The following MAF variants were observed in gnomAD, a reference collection of about 807,000 sequenced individuals.
The protein encoded by MAF is MAF bZIP transcription factor, also known as transcription factor Maf.
In MAF, 10 loss-of-function variants were observed where a neutral mutation model predicts 22.0. That is an observed-to-expected ratio of 0.45 (90% CI 0.28 to 0.77). MAF has a LOEUF of 0.77. MAF is among the 30% of genes least tolerant of loss of function. MAF has a pLI of 0.12. For missense variants in MAF, 544 were observed against 548.4 expected (o/e 0.99, Z 0.08); for synonymous variants, 337 against 255.8 (o/e 1.32, Z -3.03).
At chr16:79,552,594 C>T in the MAF span, among the ~76,000 whole-genome samples, 5 of 152,178 alleles carry the variant, frequency 3.3e-5, no homozygotes, top group African/African-American at 7.2e-5. Flanking sequence ...TCTTTTGTAA[C>T]ACTTTTCTCA....
the MAF span, among the ~76,000 whole-genome samples, chr16:79,353,147 G>C: frequency 6.6e-6 from 1 of 150,546 alleles, no homozygotes; most frequent in African/African-American, 2.4e-5. Context: ...TTCAAGACAG[G>C]GTCTCACTCT....
rs760509475 is a variant in MAF at position 79,599,681 on chromosome 16, C to G, written c.222G>C (p.Ser74=). ...CGCTGCCCGAGCCCGGGCTGGGCGC[C>G]GAGAAGCTGGGGGAAGGGGGCACCG... The part of the protein sequence containing the change: ...CSSVPPSPSF[S]APSPGSGSEQ... Residue 74 remains serine (S), a synonymous_variant, in exon 1 of 2, where the codon TCG becomes TCC. Coordinates refer to ENST00000326043, the MANE Select transcript of MAF (RefSeq NM_005360.5). 11 of 1,612,440 alleles carry G rather than the reference C, an allele frequency of 6.8e-6. No individual in the cohort carries two copies. Among genetic ancestry groups the G allele is most frequent in the Non-Finnish European group, 9.3e-6 (11 of 1,179,720 alleles).
chr16:79,490,786 G>T, the MAF span, among the ~76,000 whole-genome samples: 1 of 152,160 alleles, frequency 6.6e-6, no homozygotes, highest in Admixed American at 6.5e-5. Context: ...TGACCATAAT[G>T]CAGTGAAGGT....
the MAF span, among the ~76,000 whole-genome samples, chr16:79,387,421 A>C: frequency 1.3e-5 from 2 of 152,190 alleles, no homozygotes; most frequent in Non-Finnish European, 2.9e-5. Context: ...TCCACTACTA[A>C]AGGAGAAAAA....
the MAF span, among the ~76,000 whole-genome samples, chr16:79,235,394 A>C: frequency 6.6e-5 from 10 of 151,828 alleles, no homozygotes; most frequent in Non-Finnish European, 1.0e-4. Context: ...CCCTAGAAAA[A>C]ATAAAAAATA....
the MAF span, among the ~76,000 whole-genome samples, chr16:79,476,844 C>T: frequency 1.8e-4 from 27 of 152,280 alleles, no homozygotes; most frequent in East Asian, 9.7e-4. Context: ...CTTGGTGTCT[C>T]CATCACTGAC....
the MAF span, among the ~76,000 whole-genome samples, chr16:79,267,099 G>C: frequency 2.0e-5 from 3 of 152,198 alleles, no homozygotes; most frequent in Non-Finnish European, 4.4e-5. Flanking sequence ...ACACTATAAA[G>C]TCAGGATAGC....
At chr16:79,553,460 C>CTT in the MAF span, among the ~76,000 whole-genome samples, 1 of 152,216 alleles carries the variant, frequency 6.6e-6, no homozygotes, top group Non-Finnish European at 1.5e-5. Context: ...TTGGGGGAGG[C>CTT]TTAGGCAGAC....
the MAF span, among the ~76,000 whole-genome samples, chr16:79,346,169 T>C: frequency 6.7e-6 from 1 of 149,394 alleles, no homozygotes; most frequent in East Asian, 2.0e-4. Flanking sequence ...CTAATGCTAT[T>C]CCTCCCCGCT....
the MAF span, among the ~76,000 whole-genome samples, chr16:79,255,031 C>G: frequency 6.6e-6 from 1 of 152,186 alleles, no homozygotes; most frequent in Non-Finnish European, 1.5e-5. Flanking sequence ...AGCAATCACT[C>G]TGGATCCTTG....
the MAF span, among the ~76,000 whole-genome samples, chr16:79,366,667 A>C: frequency 6.6e-6 from 1 of 152,200 alleles, no homozygotes; most frequent in Non-Finnish European, 1.5e-5. Flanking sequence ...ATTTGCCATG[A>C]CTTCTTTATC....
chr16:79,266,139 G>C, the MAF span, among the ~76,000 whole-genome samples: 73 of 152,212 alleles, frequency 4.8e-4, no homozygotes, highest in Non-Finnish European at 7.1e-4. Flanking sequence ...CTCCCAAAGT[G>C]CTAGGATTAT....
chr16:79,450,975 A>C, the MAF span, among the ~76,000 whole-genome samples: 2 of 152,160 alleles, frequency 1.3e-5, no homozygotes, highest in Admixed American at 1.3e-4. Context: ...TCACAGGATG[A>C]TGTCTAGAGT....
the MAF span, among the ~76,000 whole-genome samples, chr16:79,380,679 C>T: frequency 6.6e-6 from 1 of 152,196 alleles, no homozygotes; most frequent in African/African-American, 2.4e-5. Context: ...AGTAGTACCA[C>T]TGCTACAGAA....
chr16:79,485,550 G>A, the MAF span, among the ~76,000 whole-genome samples: 1 of 152,160 alleles, frequency 6.6e-6, no homozygotes, highest in Non-Finnish European at 1.5e-5. Flanking sequence ...TGTACATGAA[G>A]TACACATTGA....
the MAF span, among the ~76,000 whole-genome samples, chr16:79,418,594 G>A: frequency 1.3e-5 from 2 of 152,114 alleles, no homozygotes; most frequent in Admixed American, 1.3e-4. Context: ...GGCGGGAGGC[G>A]TGCTCACTCT....
the MAF span, among the ~76,000 whole-genome samples, chr16:79,261,131 T>C: frequency 6.6e-6 from 1 of 151,918 alleles, no homozygotes; most frequent in Non-Finnish European, 1.5e-5. Flanking sequence ...CCAGAAGGTG[T>C]CGTGGCTCCC....
chr16:79,250,125 A>G, the MAF span, among the ~76,000 whole-genome samples: 1 of 152,200 alleles, frequency 6.6e-6, no homozygotes, highest in Non-Finnish European at 1.5e-5. Context: ...TCACCTCTTT[A>G]GCCAGATTTG....
the MAF span, among the ~76,000 whole-genome samples, chr16:79,404,164 CTTTTTTT>C: frequency 1.6e-5 from 2 of 122,092 alleles, no homozygotes; most frequent in Non-Finnish European, 1.7e-5. Context: ...TCTGGATTTT[CTTTTTTT>C]TTTTTTTTTT....
Sources: gnomAD v4.1 joint callset for allele counts (sites outside exome capture counted in the v4.1 genomes callset) on GRCh38, gnomAD v4.1.1 for gene constraint, MANE v1.5 for transcripts, NCBI Gene and HGNC (gene_info 2026-07-23, HGNC 2026-07-21) for gene names.